Variants in BMPR1A observed in about 807,000 individuals in gnomAD.
The protein encoded by BMPR1A is bone morphogenetic protein receptor type-1A.
BMPR1A carries 7 observed loss-of-function variants against 66.0 expected under a neutral mutation model. The ratio of observed to expected loss-of-function variants is 0.11; its 90% confidence interval spans 0.06 to 0.20. The LOEUF (loss-of-function observed/expected upper bound fraction) is 0.20. Among genes scored for constraint, BMPR1A ranks in the 10% least tolerant of loss-of-function variants. The pLI is 1.00. For missense variants in BMPR1A, 408 were observed against 669.1 expected, an observed-to-expected ratio of 0.61 and a Z score of 4.31; for synonymous variants, 200 against 229.7, an observed-to-expected ratio of 0.87 and a Z score of 1.17.
chr10:86,899,873 T>C lies in BMPR1A; in HGVS notation c.413T>C (p.Leu138Pro), dbSNP rs767385418. 6.2e-7 allele frequency: 1 copy of C among 1,614,184 alleles called. No homozygotes were observed. Among genetic ancestry groups the C allele is most frequent in the Non-Finnish European group, 8.5e-7 (1 of 1,179,974 alleles). ...NLCNQYLQPT[L>P]PPVVIGPFFD... is the part of the protein sequence containing the mutation. Reference sequence around the variant, plus strand: ...TGTAACCAGTATTTGCAACCCACACTGCCCCCTGTTGTCATAGGTAGGTTA... The same window carrying C: ...TGTAACCAGTATTTGCAACCCACACCGCCCCCTGTTGTCATAGGTAGGTTA... Residue 138 changes from leucine to proline, a missense_variant, in exon 6 of 13, where the codon CTG becomes CCG. Transcript: ENST00000372037.
intron 1 of BMPR1A, among the ~76,000 whole-genome samples, chr10:86,817,288 A>G (rs1055155998): frequency 1.3e-5 from 2 of 152,116 alleles, no homozygotes; most frequent in Non-Finnish European, 2.9e-5. Flanking sequence ...CCATGATTCT[A>G]CTGATGTCTC....
At chr10:86,920,197 A>T (rs531603511) in intron 10 of BMPR1A, among the ~76,000 whole-genome samples, 1 of 152,332 alleles carries the variant, frequency 6.6e-6, no homozygotes, top group Non-Finnish European at 1.5e-5. Context: ...GTGCACTTGT[A>T]CAAGCATTTC....
chr10:86,791,647 C>T (rs952230911), intron 1 of BMPR1A, among the ~76,000 whole-genome samples: 15 of 146,322 alleles, frequency 1.0e-4, no homozygotes, highest in African/African-American at 3.7e-4. Flanking sequence ...CATTAAGAGA[C>T]GTACATTTCC....
In BMPR1A at chr10:86,926,815, C is replaced by T. The variant is rs1325206036; in HGVS notation, c.*3096C>T. The T allele has an allele frequency of 5.2e-6, 1 of 190,826 alleles. No individual in the cohort carries two copies. Among genetic ancestry groups the T allele is most frequent in the Non-Finnish European group, 1.1e-5 (1 of 91,142 alleles). 11.8% of individuals were successfully genotyped at this position (190,826 alleles called of 1,614,324 possible). A position where few individuals can be genotyped will look rare whatever the true frequency, so the allele number is the denominator to read the frequency against. ...AAAGCAAACAACCCAAACTACCTGACTATAAACAGGAAAAGTTAACCCTCA... is the reference window on the plus strand; with the variant it reads ...AAAGCAAACAACCCAAACTACCTGATTATAAACAGGAAAAGTTAACCCTCA... On this transcript the variant is annotated 3_prime_UTR_variant, in exon 13 of 13. Transcript: ENST00000372037.
chr10:86,915,924 A>G (rs189415902), intron 8 of BMPR1A, among the ~76,000 whole-genome samples: 34 of 152,350 alleles, frequency 2.2e-4, no homozygotes, highest in Middle Eastern at 3.4e-3. Flanking sequence ...AACAAATATT[A>G]AAGTACTTCT....
At position 86,926,991 on chromosome 10, in the gene BMPR1A, G is replaced by C. The variant is rs1843756212; in HGVS notation, c.*3272G>C. 5.3e-6 allele frequency: 1 copy of C among 187,500 alleles called. No individual in the cohort carries two copies. Among genetic ancestry groups the C allele is most frequent in the African/African-American group, 2.3e-5 (1 of 42,724 alleles). The allele number at this position is 187,500 out of a possible 1,614,324, so 11.6% of individuals were successfully genotyped here. A position where few individuals can be genotyped will look rare whatever the true frequency, so the allele number is the denominator to read the frequency against. On this transcript the variant is annotated 3_prime_UTR_variant, in exon 13 of 13. Transcript: ENST00000372037. ...TATAAAACTTGCATCTGATTTCTTT[G>C]GAAATATTTTCACAAAAGTTATTTT...
chr10:86,836,080 T>C (rs1842342137), intron 1 of BMPR1A, among the ~76,000 whole-genome samples: 1 of 152,226 alleles, frequency 6.6e-6, no homozygotes, highest in African/African-American at 2.4e-5. Flanking sequence ...ACACAAAATC[T>C]TTGAAAAAAT....
intron 1 of BMPR1A, among the ~76,000 whole-genome samples, chr10:86,808,086 A>C (rs985263439): frequency 2.0e-5 from 3 of 152,196 alleles, no homozygotes; most frequent in African/African-American, 7.2e-5. Context: ...CAATATCTTT[A>C]ATAGATATAG....
At chr10:86,818,885 T>G (rs974409403) in intron 1 of BMPR1A, among the ~76,000 whole-genome samples, 4 of 152,242 alleles carry the variant, frequency 2.6e-5, no homozygotes, top group African/African-American at 9.6e-5. Context: ...AAGGCAAGAT[T>G]TTTTGGATTT....
rs983870066 is a variant in BMPR1A at position 86,919,204 on chromosome 10, T to A, written c.901T>A (p.Ser301Thr). ...AGCGGCAGACATTAAAGGTACAGGT[T>A]CCTGGACTCAGCTCTATTTGATTAC... ...FIAADIKGTG[S>T]WTQLYLITDY... The change falls in exon 10 of 13, where the codon TCC (serine) becomes ACC (threonine). Residue 301 changes from serine (S) to threonine (T), a missense_variant. Physicochemically the swap from Ser to Thr is moderately conservative, Grantham distance 58. Around this residue, in one of 5 missense-constraint regions of BMPR1A, gnomAD observed 174 missense variants for 265.1 expected, o/e 0.66. Coordinates refer to ENST00000372037, the MANE Select transcript of BMPR1A (RefSeq NM_004329.3). The A allele has an allele frequency of 6.2e-7, 1 of 1,613,956 alleles. No homozygotes were observed. The highest frequency in any genetic ancestry group is 8.5e-7 in the Non-Finnish European group (1 of 1,179,874).
At chr10:86,821,863 A>G (rs1842124896) in intron 1 of BMPR1A, among the ~76,000 whole-genome samples, 1 of 151,472 alleles carries the variant, frequency 6.6e-6, no homozygotes, top group Non-Finnish European at 1.5e-5. Context: ...GAGTGCAGTG[A>G]CACAATCATG....
intron 3 of BMPR1A, among the ~76,000 whole-genome samples, chr10:86,882,156 T>C (rs149185448): frequency 1.7e-4 from 26 of 152,176 alleles, no homozygotes; most frequent in Non-Finnish European, 2.9e-4. Flanking sequence ...TATGTGTGGG[T>C]TCATTGTACA....
intron 1 of BMPR1A, among the ~76,000 whole-genome samples, chr10:86,775,437 A>G (rs926053927): frequency 1.3e-5 from 2 of 152,208 alleles, no homozygotes; most frequent in African/African-American, 4.8e-5. Context: ...AATGTTGTGA[A>G]GGGTGGACAC....
chr10:86,757,468 G>A (rs565137423), intron 1 of BMPR1A, among the ~76,000 whole-genome samples: 1 of 152,256 alleles, frequency 6.6e-6, no homozygotes, highest in Admixed American at 6.5e-5. Flanking sequence ...CCGTACTTCA[G>A]TTTTGGAAAA....
chr10:86,876,187 C>T, intron 3 of BMPR1A, 102 bp downstream of exon 3: 1 of 1,101,848 alleles, frequency 9.1e-7, no homozygotes, highest in Non-Finnish European at 1.4e-6. Flanking sequence ...TTAGGCCCAG[C>T]CTACTAGGGC....
intron 1 of BMPR1A, among the ~76,000 whole-genome samples, chr10:86,782,065 G>A (rs530081762): frequency 6.6e-6 from 1 of 151,586 alleles, no homozygotes; most frequent in Non-Finnish European, 1.5e-5. Context: ...GTTTCACTAC[G>A]TTGGTCAGCC....
At chr10:86,873,601 T>C (rs1472095226) in intron 2 of BMPR1A, among the ~76,000 whole-genome samples, 3 of 151,872 alleles carry the variant, frequency 2.0e-5, no homozygotes, top group Non-Finnish European at 4.4e-5. Context: ...GAAAGAAAGG[T>C]GTGGGTTTGA....
At chr10:86,884,934 CTATAATTTTT>C (rs563499632) in intron 3 of BMPR1A, among the ~76,000 whole-genome samples, 125 of 152,294 alleles carry the variant, frequency 8.2e-4, no homozygotes, top group African/African-American at 2.9e-3. Context: ...ATACATCTAA[CTATAATTTTT>C]TATTGGCCTT....
rs730881438 is a variant in BMPR1A, at chr10:86,756,900, A to T, written c.-287A>T. 1 of 151,976 alleles carries T rather than the reference A, an allele frequency of 6.6e-6. No homozygotes were observed. The highest frequency in any genetic ancestry group is 2.4e-5 in the African/African-American group (1 of 41,348). The allele number at this position is 151,976 out of a possible 1,614,324, so 9.4% of individuals were successfully genotyped here. On this transcript the variant is annotated 5_prime_UTR_variant, in exon 1 of 13. An upstream start codon of the reference 5' UTR is lost. Transcript: ENST00000372037. ...CCCGCTCCGCGCCGAGGGCTGGAGG[A>T]TGCGTTCCCTGGGGTCCGGGTGAGT...
Sources: gnomAD v4.1 joint callset for allele counts (sites outside exome capture counted in the v4.1 genomes callset) on GRCh38, gnomAD v4.1.1 for gene constraint, gnomAD v4.1.1 regional missense constraint, MANE v1.5 for transcripts, NCBI Gene and HGNC (gene_info 2026-07-23, HGNC 2026-07-21) for gene names.